PCDH17: variants seen among roughly 807,000 people sequenced by gnomAD.
PCDH17 encodes the protein protocadherin 17.
Under a neutral mutation model 67.7 loss-of-function variants are expected in PCDH17, and 21 were observed. The observed-to-expected ratio is 0.31, with a 90% CI of 0.22 to 0.45. PCDH17 has a LOEUF of 0.45. Among genes scored for constraint, PCDH17 ranks in the 20% least tolerant of loss-of-function variants. The pLI is 1.00. For missense variants in PCDH17, 1,471 were observed against 1,564.8 expected (o/e 0.94, Z 1.01); for synonymous variants, 701 against 656.7 (o/e 1.07, Z -1.03).
At chr13:57,724,190 T>C (rs1955893786) in intron 3 of PCDH17, among the ~76,000 whole-genome samples, 1 of 152,228 alleles carries the variant, frequency 6.6e-6, no homozygotes, top group South Asian at 2.1e-4. Context: ...GAACTTGTTA[T>C]GGAAGTTTGC....
At chr13:57,636,648 T>TA (rs1954827341) in intron 1 of PCDH17, among the ~76,000 whole-genome samples, 1 of 152,046 alleles carries the variant, frequency 6.6e-6, no homozygotes, top group South Asian at 2.1e-4. Context: ...TTCTCCACTT[T>TA]AAAAAAATGT....
In PCDH17 at chr13:57,666,267, G is replaced by A. The variant is rs534336220; in HGVS notation, c.2566-201G>A. On this transcript the variant is annotated intron_variant, in intron 1 of 3. Transcript: ENST00000377918. ...ACAGGCTCATTGTTTACTTTAACAGGTAATTTGTGGACCGGAATCATTTAA... is the reference window on the plus strand; with the variant it reads ...ACAGGCTCATTGTTTACTTTAACAGATAATTTGTGGACCGGAATCATTTAA... 2.6e-5 allele frequency among the ~76,000 whole-genome samples: 4 copies of A among 152,258 alleles called. No individual in the cohort carries two copies. In the South Asian group the frequency reaches 8.3e-4, roughly 32 times the overall value.
chr13:57,682,421 A>G (rs1039226174), intron 3 of PCDH17, among the ~76,000 whole-genome samples: 19 of 151,732 alleles, frequency 1.3e-4, no homozygotes, highest in African/African-American at 4.6e-4. Flanking sequence ...CAAGAAAGTG[A>G]TCTGCTTGCG....
At chr13:57,674,343 T>G in intron 3 of PCDH17, among the ~76,000 whole-genome samples, 1 of 152,004 alleles carries the variant, frequency 6.6e-6, no homozygotes, top group African/African-American at 2.4e-5. Flanking sequence ...TATTTCTTTC[T>G]AGAGACAGGG....
chr13:57,685,665 G>A (rs1487020237), intron 3 of PCDH17, among the ~76,000 whole-genome samples: 1 of 152,028 alleles, frequency 6.6e-6, no homozygotes. Context: ...TTACCTGTGG[G>A]TGTGTGGTTT....
At chr13:57,660,008 G>A (rs1217071982) in intron 1 of PCDH17, among the ~76,000 whole-genome samples, 3 of 152,102 alleles carry the variant, frequency 2.0e-5, no homozygotes, top group Admixed American at 6.5e-5. Context: ...CGAGTCGGGT[G>A]GATCCTTTGA....
chr13:57,663,232 T>A (rs1398721107), intron 1 of PCDH17, among the ~76,000 whole-genome samples: 2 of 152,124 alleles, frequency 1.3e-5, no homozygotes, highest in African/African-American at 4.8e-5. Context: ...GTGTTCAAGT[T>A]GAGTTTGAAG....
At position 57,729,165 on chromosome 13, in the gene PCDH17, T is replaced by C. The variant is rs1955934930; in HGVS notation, c.*3871T>C. Reference sequence around the variant, plus strand: ...ATCAGCCCATCACTCCATAAAGTTCTTAGCTGCACCAAGTGATTGGTGAAC... The same window carrying C: ...ATCAGCCCATCACTCCATAAAGTTCCTAGCTGCACCAAGTGATTGGTGAAC... On this transcript the variant is annotated 3_prime_UTR_variant, in exon 4 of 4. Transcript: ENST00000377918. 6.6e-6 allele frequency: 1 copy of C among 152,186 alleles called. No homozygotes were observed. Among genetic ancestry groups the C allele is most frequent in the African/African-American group, 2.4e-5 (1 of 41,466 alleles). The allele number at this position is 152,186 out of a possible 1,614,324, so 9.4% of individuals were successfully genotyped here.
chr13:57,706,175 T>G lies in PCDH17; in HGVS notation c.2798-18437T>G, dbSNP rs530404296. Among the ~76,000 whole-genome samples the G allele has an allele frequency of 3.9e-5, 6 of 152,290 alleles. No homozygotes were observed. In the East Asian group the frequency reaches 1.2e-3, roughly 29 times the overall value. ...GTAGACATTTTAAGAAAATATTTGT[T>G]TCAAAGTATTTCGTATGATTTGGAA... is the stretch of plus-strand genomic sequence containing the variant. On this transcript the variant is annotated intron_variant, in intron 3 of 3. Transcript: ENST00000377918.
At position 57,633,176 on chromosome 13, in the gene PCDH17, G is replaced by T; in HGVS notation, c.630G>T (p.Thr210=). The change falls in exon 1 of 4, where the codon ACG becomes ACT. Residue 210 remains threonine (T), a synonymous_variant. Transcript: ENST00000377918. The surrounding 1 kb of genome is among the most constrained non-coding windows in gnomAD (Gnocchi z 6.2). The part of the protein sequence containing the change: ...ALDREQQNHH[T]LVLTALDGGE... ...ACCGCGAGCAACAGAATCACCATAC[G>T]CTCGTGCTGACTGCCCTGGACGGTG... is the stretch of plus-strand genomic sequence containing the variant. 1 of 1,613,182 alleles carries T rather than the reference G, an allele frequency of 6.2e-7. No homozygotes were observed. The highest frequency in any genetic ancestry group is 1.1e-5 in the South Asian group (1 of 91,066).
chr13:57,705,184 A>T (rs2138081096), intron 3 of PCDH17, among the ~76,000 whole-genome samples: 1 of 152,076 alleles, frequency 6.6e-6, no homozygotes, highest in Admixed American at 6.6e-5. Context: ...TGCCTTTGCT[A>T]ATAACCCATA....
chr13:57,639,248 T>G (rs2137980073), intron 1 of PCDH17, among the ~76,000 whole-genome samples: 1 of 152,058 alleles, frequency 6.6e-6, no homozygotes, highest in South Asian at 2.1e-4. Flanking sequence ...CATATTTCTT[T>G]TTCTGTTTTA....
At chr13:57,700,393 A>C (rs1331919008) in intron 3 of PCDH17, among the ~76,000 whole-genome samples, 1 of 146,808 alleles carries the variant, frequency 6.8e-6, no homozygotes, top group Non-Finnish European at 1.5e-5. Context: ...ATCTTGGCTC[A>C]CTGCAACCAC....
chr13:57,665,303 A>G (rs976896818), intron 1 of PCDH17, among the ~76,000 whole-genome samples: 2 of 152,182 alleles, frequency 1.3e-5, no homozygotes, highest in South Asian at 2.1e-4. Context: ...ACTTTAAACT[A>G]TCATTCTTAA....
At chr13:57,722,936 A>G (rs1234198956) in intron 3 of PCDH17, among the ~76,000 whole-genome samples, 5 of 152,124 alleles carry the variant, frequency 3.3e-5, no homozygotes, top group Non-Finnish European at 7.4e-5. Flanking sequence ...ACCCCCTTTT[A>G]AAAAATTTCA....
intron 1 of PCDH17, among the ~76,000 whole-genome samples, chr13:57,643,777 T>A (rs1954932531): frequency 1.3e-5 from 2 of 151,730 alleles, no homozygotes; most frequent in Admixed American, 1.3e-4. Context: ...GTTTTAATTA[T>A]TATTTGAAGA....
intron 3 of PCDH17, among the ~76,000 whole-genome samples, chr13:57,671,526 T>C (rs1955322705): frequency 6.6e-6 from 1 of 152,038 alleles, no homozygotes; most frequent in African/African-American, 2.4e-5. Context: ...GTACTGTATC[T>C]TTGAATTTCT....
At chr13:57,691,740 A>C (rs1318595697) in intron 3 of PCDH17, among the ~76,000 whole-genome samples, 2 of 151,238 alleles carry the variant, frequency 1.3e-5, no homozygotes, top group East Asian at 1.9e-4. Context: ...GAGAAAGAAA[A>C]TTATTTAAAT....
chr13:57,686,534 G>A (rs998125624), intron 3 of PCDH17, among the ~76,000 whole-genome samples: 5 of 151,926 alleles, frequency 3.3e-5, no homozygotes, highest in Non-Finnish European at 7.4e-5. Context: ...AAAGTGATAT[G>A]AACCAGAATT....
Sources: gnomAD v4.1 joint callset for allele counts (sites outside exome capture counted in the v4.1 genomes callset) on GRCh38, gnomAD v4.1.1 for gene constraint, Gnocchi (gnomAD v3.1) non-coding constraint, MANE v1.5 for transcripts, NCBI Gene and HGNC (gene_info 2026-07-23, HGNC 2026-07-21) for gene names.